ADCY2: variants seen among roughly 807,000 people sequenced by gnomAD.
ADCY2 encodes the protein adenylate cyclase 2, also known as adenylate cyclase type 2.
In ADCY2, 31 loss-of-function variants were observed where a neutral mutation model predicts 125.2. That is an observed-to-expected ratio of 0.25 (90% CI 0.19 to 0.33). ADCY2 has a LOEUF of 0.33. ADCY2 is among the 10% of genes least tolerant of loss of function. The pLI is 1.00. For synonymous variants in ADCY2, 512 were observed against 548.4 expected, an observed-to-expected ratio of 0.93 and a Z score of 0.93; for missense variants, 904 against 1,418.2, an observed-to-expected ratio of 0.64 and a Z score of 5.82.
chr5:7,804,734 C>A, intron 22 of ADCY2, 42 bp downstream of exon 22: 1 of 1,505,206 alleles, frequency 6.6e-7, no homozygotes, highest in Non-Finnish European at 9.2e-7. Context: ...TGAGCCTCAA[C>A]CCCATCCACA....
intron 3 of ADCY2, among the ~76,000 whole-genome samples, chr5:7,523,092 C>T (rs1459312056): frequency 2.6e-5 from 4 of 152,100 alleles, no homozygotes; most frequent in Admixed American, 2.0e-4. Context: ...CCTTTCTGCT[C>T]CTTCAGGAAT....
At chr5:7,451,030 G>T (rs1398425967) in intron 2 of ADCY2, among the ~76,000 whole-genome samples, 1 of 152,160 alleles carries the variant, frequency 6.6e-6, no homozygotes, top group Non-Finnish European at 1.5e-5. Flanking sequence ...GATCACCCAA[G>T]AGCTCTGATG....
At chr5:7,790,779 G>A (rs1744227633) in intron 20 of ADCY2, among the ~76,000 whole-genome samples, 1 of 152,220 alleles carries the variant, frequency 6.6e-6, no homozygotes, top group South Asian at 2.1e-4. Flanking sequence ...AGGGGAAAGA[G>A]TGGACAGTAG....
intron 7 of ADCY2, among the ~76,000 whole-genome samples, chr5:7,704,707 G>A (rs557043336): frequency 1.3e-5 from 2 of 152,060 alleles, no homozygotes; most frequent in South Asian, 2.1e-4. Flanking sequence ...CTGAAACCCC[G>A]TCTCTACCAA....
At chr5:7,768,153 G>A (rs1021789016) in intron 17 of ADCY2, among the ~76,000 whole-genome samples, 2 of 152,196 alleles carry the variant, frequency 1.3e-5, no homozygotes, top group African/African-American at 4.8e-5. Context: ...TTGGGAAGAG[G>A]GGGGTGCTAT....
At chr5:7,470,606 A>G (rs1742298159) in intron 2 of ADCY2, among the ~76,000 whole-genome samples, 1 of 147,050 alleles carries the variant, frequency 6.8e-6, no homozygotes, top group East Asian at 1.9e-4. Flanking sequence ...TAGGCTATTT[A>G]TATATAGTTT....
intron 3 of ADCY2, among the ~76,000 whole-genome samples, chr5:7,530,750 T>C (rs1734612032): frequency 6.6e-6 from 1 of 152,098 alleles, no homozygotes; most frequent in African/African-American, 2.4e-5. Flanking sequence ...GTAGCCTCGA[T>C]GTACCTTCCT....
At chr5:7,680,429 C>T (rs996345440) in intron 4 of ADCY2, among the ~76,000 whole-genome samples, 1 of 152,162 alleles carries the variant, frequency 6.6e-6, no homozygotes, top group African/African-American at 2.4e-5. Flanking sequence ...ACTTGCAAGT[C>T]ATTAAGGAAT....
chr5:7,532,880 T>C (rs2126548537), intron 3 of ADCY2, among the ~76,000 whole-genome samples: 1 of 152,048 alleles, frequency 6.6e-6, no homozygotes, highest in East Asian at 1.9e-4. Flanking sequence ...ATAATAATAA[T>C]AACAAACACT....
intron 5 of ADCY2, among the ~76,000 whole-genome samples, chr5:7,692,867 C>A (rs541904543): frequency 2.6e-5 from 4 of 152,156 alleles, no homozygotes; most frequent in Non-Finnish European, 5.9e-5. Context: ...TCTCTCCAGT[C>A]GTCTTCTGGG....
At chr5:7,674,423 C>T (rs1035568448) in intron 4 of ADCY2, among the ~76,000 whole-genome samples, 15 of 152,262 alleles carry the variant, frequency 9.9e-5, no homozygotes, top group South Asian at 2.1e-4. Context: ...TGTTTGGTTA[C>T]GCGCCATTTC....
At chr5:7,641,682 T>C (rs750960936) in intron 4 of ADCY2, among the ~76,000 whole-genome samples, 7 of 152,064 alleles carry the variant, frequency 4.6e-5, no homozygotes, top group Non-Finnish European at 4.4e-5. Flanking sequence ...CTCTCCTCCC[T>C]CCTCCCTCTA....
At chr5:7,620,253 C>T (rs1737911032) in intron 3 of ADCY2, among the ~76,000 whole-genome samples, 1 of 152,242 alleles carries the variant, frequency 6.6e-6, no homozygotes, top group African/African-American at 2.4e-5. Flanking sequence ...ATAATCATGA[C>T]CAACAGTACT....
intron 3 of ADCY2, among the ~76,000 whole-genome samples, chr5:7,569,986 G>A (rs1271424861): frequency 9.0e-6 from 1 of 111,696 alleles, no homozygotes; most frequent in East Asian, 2.3e-4. Flanking sequence ...AAAGTGCAAG[G>A]GACCTTACAT....
intron 2 of ADCY2, among the ~76,000 whole-genome samples, chr5:7,504,247 C>T (rs1743713210): frequency 6.6e-6 from 1 of 152,118 alleles, no homozygotes; most frequent in African/African-American, 2.4e-5. Context: ...GAGCCAAAAT[C>T]CCTTATGAAC....
At chr5:7,413,142 C>A (rs1156376449) in intron 1 of ADCY2, among the ~76,000 whole-genome samples, 13 of 152,132 alleles carry the variant, frequency 8.5e-5, no homozygotes, top group African/African-American at 2.9e-4. Context: ...CCCTGTGCTT[C>A]GTTGCTTGGT....
At chr5:7,509,832 T>C (rs139357174) in intron 2 of ADCY2, among the ~76,000 whole-genome samples, 105 of 152,372 alleles carry the variant, frequency 6.9e-4, no homozygotes, top group African/African-American at 2.4e-3. Flanking sequence ...GCTTTTATTT[T>C]TAATTATGAT....
At chr5:7,658,199 G>C (rs1739405811) in intron 4 of ADCY2, 1 of 152,170 alleles carries the variant, frequency 6.6e-6, no homozygotes, top group Non-Finnish European at 1.5e-5. Context: ...CTGCACGCTG[G>C]GTGGAGAATA....
chr5:7,411,108 T>C (rs1490056808), intron 1 of ADCY2, among the ~76,000 whole-genome samples: 1 of 152,222 alleles, frequency 6.6e-6, no homozygotes, highest in Non-Finnish European at 1.5e-5. Context: ...GACACCCTCA[T>C]GCAAGGTTCT....
Sources: allele counts gnomAD v4.1 joint callset (sites outside exome capture counted in the v4.1 genomes callset), GRCh38; gene constraint gnomAD v4.1.1; transcripts MANE v1.5; gene names NCBI Gene and HGNC (gene_info 2026-07-23, HGNC 2026-07-21).